Variants in MACROD2 observed in about 807,000 individuals in gnomAD.
The protein encoded by MACROD2 is ADP-ribose glycohydrolase MACROD2.
A neutral mutation model predicts 70.4 loss-of-function variants in MACROD2; 36 were observed. The ratio of observed to expected loss-of-function variants is 0.51; its 90% CI spans 0.39 to 0.68. The LOEUF (loss-of-function observed/expected upper bound fraction) is 0.68. MACROD2 is among the 30% of genes least tolerant of loss of function. The pLI, the probability that MACROD2 is intolerant of heterozygous loss-of-function variation, is 0.00. For missense variants in MACROD2, 496 were observed against 538.4 expected (o/e 0.92, Z 0.78); for synonymous variants, 172 against 178.8 (o/e 0.96, Z 0.30).
intron 3 of MACROD2, chr20:14,222,962 A>G (rs1410621933): frequency 1.3e-5 from 2 of 152,232 alleles, no homozygotes; most frequent in African/African-American, 4.8e-5. Context: ...AAGAAACAAG[A>G]AGGACAAGTG....
At chr20:14,467,693 T>C (rs1014825938) in intron 3 of MACROD2, among the ~76,000 whole-genome samples, 1 of 152,108 alleles carries the variant, frequency 6.6e-6, no homozygotes, top group Non-Finnish European at 1.5e-5. Context: ...GTTCTTTTAA[T>C]AGTGATGTTA....
chr20:15,156,287 A>T (rs1029089575), intron 5 of MACROD2, among the ~76,000 whole-genome samples: 2 of 152,152 alleles, frequency 1.3e-5, no homozygotes, highest in Non-Finnish European at 2.9e-5. Flanking sequence ...CTACTAGCTC[A>T]TTGCTCAGCT....
chr20:14,954,777 A>T (rs1161731383), intron 5 of MACROD2, among the ~76,000 whole-genome samples: 2 of 112,042 alleles, frequency 1.8e-5, no homozygotes, highest in African/African-American at 7.1e-5. Context: ...ATATAACATA[A>T]ATTATAAATA....
intron 8 of MACROD2, among the ~76,000 whole-genome samples, chr20:15,629,095 A>G (rs915484428): frequency 2.0e-5 from 3 of 152,146 alleles, no homozygotes; most frequent in African/African-American, 7.2e-5. Context: ...ACTCTTGTAT[A>G]TTGGGTGAAA....
chr20:15,379,995 T>C (rs369073560), intron 6 of MACROD2, among the ~76,000 whole-genome samples: 1 of 126,482 alleles, frequency 7.9e-6, no homozygotes, highest in African/African-American at 4.0e-5. Flanking sequence ...AAACAGATCT[T>C]GGGTCTCTTG....
chr20:14,730,153 C>T (rs2071578031), intron 5 of MACROD2, among the ~76,000 whole-genome samples: 1 of 152,018 alleles, frequency 6.6e-6, no homozygotes, highest in African/African-American at 2.4e-5. Context: ...GTGAGCAGAC[C>T]TAGCACACAT....
chr20:15,282,193 T>C (rs2146089948), intron 6 of MACROD2, among the ~76,000 whole-genome samples: 1 of 152,334 alleles, frequency 6.6e-6, no homozygotes, highest in South Asian at 2.1e-4. Context: ...TTGTTTGTGA[T>C]GGGAGGGGCT....
chr20:15,026,654 G>A (rs146585385), intron 5 of MACROD2, among the ~76,000 whole-genome samples: 3 of 152,122 alleles, frequency 2.0e-5, no homozygotes, highest in African/African-American at 7.2e-5. Context: ...ACTTATTTAT[G>A]TATGTATTTT....
At chr20:15,061,201 G>T (rs1022905618) in intron 5 of MACROD2, among the ~76,000 whole-genome samples, 2 of 152,142 alleles carry the variant, frequency 1.3e-5, no homozygotes, top group African/African-American at 4.8e-5. Context: ...TTCTCAATGT[G>T]CAGGAGCTGT....
chr20:14,953,133 TATAATGAAATGATAAAATGCAGATAA>T (rs1448637408), intron 5 of MACROD2, among the ~76,000 whole-genome samples: 1 of 152,120 alleles, frequency 6.6e-6, no homozygotes, highest in African/African-American at 2.4e-5. Flanking sequence ...CATCTTATTT[TATAATGAAATGATAAAATGCAGATAA>T]ACTGAACCTC....
intron 5 of MACROD2, among the ~76,000 whole-genome samples, chr20:14,737,026 A>G (rs952488837): frequency 2.0e-5 from 3 of 152,008 alleles, no homozygotes; most frequent in Non-Finnish European, 2.9e-5. Flanking sequence ...ACATAGGTAT[A>G]CACATGCCAT....
intron 3 of MACROD2, among the ~76,000 whole-genome samples, chr20:14,320,663 ATTTTTTTTTTTT>A (rs11087086): frequency 2.4e-3 from 293 of 123,648 alleles, no homozygotes; most frequent in Admixed American, 6.4e-3. Flanking sequence ...CACCTTTGGA[ATTTTTTTTTTTT>A]TTTTTTTTTT....
intron 3 of MACROD2, among the ~76,000 whole-genome samples, chr20:14,469,235 T>C (rs912294329): frequency 2.0e-5 from 3 of 152,178 alleles, no homozygotes; most frequent in Non-Finnish European, 4.4e-5. Flanking sequence ...TTGTTTTCTT[T>C]AAGAATGTTG....
chr20:15,989,867 C>T (rs1007888129), intron 15 of MACROD2, among the ~76,000 whole-genome samples: 6 of 6,426 alleles, frequency 9.3e-4, no homozygotes, highest in Non-Finnish European at 4.9e-3. Context: ...AAATATATAA[C>T]CTTTTTCTCT....
At chr20:14,367,042 C>T (rs1006471722) in intron 3 of MACROD2, among the ~76,000 whole-genome samples, 5 of 151,898 alleles carry the variant, frequency 3.3e-5, no homozygotes, top group African/African-American at 1.2e-4. Flanking sequence ...ATCCCTTTTC[C>T]ATTTTCTTTT....
chr20:14,846,724 A>T (rs2073145775), intron 5 of MACROD2, among the ~76,000 whole-genome samples: 1 of 151,666 alleles, frequency 6.6e-6, no homozygotes, highest in South Asian at 2.1e-4. Flanking sequence ...TTGCCGTGTT[A>T]GCCAGGATGG....
intron 3 of MACROD2, among the ~76,000 whole-genome samples, chr20:14,456,245 C>T (rs1330698984): frequency 1.3e-5 from 2 of 151,916 alleles, no homozygotes; most frequent in Middle Eastern, 3.4e-3. Context: ...AGTAATAGAT[C>T]CCAGGAGTGA....
intron 5 of MACROD2, among the ~76,000 whole-genome samples, chr20:15,181,480 A>G (rs2076500126): frequency 6.6e-6 from 1 of 152,224 alleles, no homozygotes; most frequent in African/African-American, 2.4e-5. Context: ...CCAAAGGCCA[A>G]CAGCAGTGTG....
chr20:14,805,469 T>C (rs1256691172), intron 5 of MACROD2, among the ~76,000 whole-genome samples: 1 of 152,100 alleles, frequency 6.6e-6, no homozygotes, highest in Non-Finnish European at 1.5e-5. Flanking sequence ...ATATTAAAAG[T>C]AGTCTGTTCA....
Sources: gnomAD v4.1 joint callset for allele counts (sites outside exome capture counted in the v4.1 genomes callset) on GRCh38, gnomAD v4.1.1 for gene constraint, MANE v1.5 for transcripts, NCBI Gene and HGNC (gene_info 2026-07-23, HGNC 2026-07-21) for gene names.